GRID2: variants seen among roughly 807,000 people sequenced by gnomAD.
GRID2 encodes the protein glutamate receptor ionotropic, delta-2.
A neutral mutation model predicts 114.8 loss-of-function variants in GRID2; 33 were observed. The observed-to-expected ratio is 0.29, with a 90% CI of 0.22 to 0.38. The LOEUF (loss-of-function observed/expected upper bound fraction) is 0.38. Among genes scored for constraint, GRID2 ranks in the 10% least tolerant of loss-of-function variants. GRID2 has a pLI of 1.00. For synonymous variants in GRID2, 505 were observed against 449.9 expected (o/e 1.12, Z -1.55); for missense variants, 1,184 against 1,257.7 (o/e 0.94, Z 0.89).
intron 1 of GRID2, among the ~76,000 whole-genome samples, chr4:92,417,030 A>G (rs1410751197): frequency 2.0e-5 from 3 of 152,052 alleles, no homozygotes; most frequent in Non-Finnish European, 4.4e-5. Flanking sequence ...CTACCCATCC[A>G]TGAGCATGAG....
intron 3 of GRID2, among the ~76,000 whole-genome samples, chr4:93,108,519 CTTTTG>C (rs1190434039): frequency 6.6e-6 from 1 of 152,024 alleles, no homozygotes; most frequent in Non-Finnish European, 1.5e-5. Context: ...TTCAGTGTTA[CTTTTG>C]TTTTGTTTGC....
chr4:92,952,750 G>A (rs1752123620), intron 2 of GRID2, among the ~76,000 whole-genome samples: 1 of 152,130 alleles, frequency 6.6e-6, no homozygotes, highest in Admixed American at 6.6e-5. Context: ...GGCTTCTTTT[G>A]TCATTGTATT....
At chr4:93,379,465 C>T (rs946232016) in intron 8 of GRID2, among the ~76,000 whole-genome samples, 1 of 151,894 alleles carries the variant, frequency 6.6e-6, no homozygotes, top group Non-Finnish European at 1.5e-5. Context: ...CAAACGTAGA[C>T]TGGAGCAAAA....
intron 8 of GRID2, among the ~76,000 whole-genome samples, chr4:93,346,216 C>T (rs1400285630): frequency 6.6e-6 from 1 of 151,990 alleles, no homozygotes; most frequent in Non-Finnish European, 1.5e-5. Context: ...AAATGTGAAA[C>T]TTGTGACTTT....
intron 4 of GRID2, among the ~76,000 whole-genome samples, chr4:93,204,611 A>C (rs1742483300): frequency 6.6e-6 from 1 of 152,126 alleles, no homozygotes; most frequent in Non-Finnish European, 1.5e-5. Flanking sequence ...TTCTTCACTG[A>C]AATACAGGAT....
intron 4 of GRID2, among the ~76,000 whole-genome samples, chr4:93,158,053 T>C (rs529808701): frequency 6.6e-6 from 1 of 151,974 alleles, no homozygotes. Flanking sequence ...TGCAAACTAG[T>C]CATCCTCTAT....
At position 93,622,466 on chromosome 4, in the gene GRID2, G is replaced by T. The variant is rs572754635; in HGVS notation, c.2194-3803G>T. Among the ~76,000 whole-genome samples the T allele has an allele frequency of 2.9e-4, 44 of 152,258 alleles. 1 individual carries two copies. The highest frequency in any genetic ancestry group is 2.4e-3 in the Admixed American group (36 of 15,292). ...CTTAAACATCAAACATCATCATGCA[G>T]TAACTTTGGGATTAGATCTAGAATC... On this transcript the variant is annotated intron_variant, in intron 13 of 15. Coordinates refer to ENST00000282020, the MANE Select transcript of GRID2 (RefSeq NM_001510.4).
At chr4:92,509,281 G>A (rs1724124367) in intron 1 of GRID2, among the ~76,000 whole-genome samples, 1 of 151,900 alleles carries the variant, frequency 6.6e-6, no homozygotes, top group South Asian at 2.1e-4. Flanking sequence ...TGAACTCAGT[G>A]AAGGCAGGGC....
intron 9 of GRID2, among the ~76,000 whole-genome samples, chr4:93,413,627 A>AC (rs1413142661): frequency 6.6e-6 from 1 of 152,176 alleles, no homozygotes; most frequent in Non-Finnish European, 1.5e-5. Flanking sequence ...TTTAATTTGT[A>AC]TTCCCCAAAG....
At chr4:93,571,817 A>T (rs1414338040) in intron 13 of GRID2, among the ~76,000 whole-genome samples, 1 of 152,120 alleles carries the variant, frequency 6.6e-6, no homozygotes, top group African/African-American at 2.4e-5. Flanking sequence ...AGAAAAGGGA[A>T]GATAAGTTTG....
At chr4:93,627,600 T>C (rs955089436) in intron 14 of GRID2, among the ~76,000 whole-genome samples, 2 of 152,242 alleles carry the variant, frequency 1.3e-5, no homozygotes, top group African/African-American at 4.8e-5. Flanking sequence ...GGTTGTGTTA[T>C]GCTTCAAGCT....
At chr4:93,371,556 A>G (rs938785531) in intron 8 of GRID2, among the ~76,000 whole-genome samples, 2 of 152,028 alleles carry the variant, frequency 1.3e-5, no homozygotes, top group Non-Finnish European at 2.9e-5. Context: ...ATTTCTTTGA[A>G]CCAATTACTC....
At chr4:93,485,402 C>A (rs1726286367) in intron 11 of GRID2, among the ~76,000 whole-genome samples, 1 of 151,578 alleles carries the variant, frequency 6.6e-6, no homozygotes, top group African/African-American at 2.4e-5. Flanking sequence ...AATTATCAAT[C>A]TTTTCTTTTG....
intron 8 of GRID2, among the ~76,000 whole-genome samples, chr4:93,386,209 C>A (rs1309769611): frequency 6.6e-6 from 1 of 152,174 alleles, no homozygotes; most frequent in Admixed American, 6.6e-5. Flanking sequence ...TCTAGAGCTA[C>A]ACTGCCTGTG....
chr4:92,725,041 C>G lies in GRID2; in HGVS notation c.244+134755C>G, dbSNP rs557323329. 3.3e-3 allele frequency among the ~76,000 whole-genome samples: 506 copies of G among 152,142 alleles called. 1 individual carries two copies. Among genetic ancestry groups the G allele is most frequent in the African/African-American group, 0.012 (486 of 41,506 alleles). On this transcript the variant is annotated intron_variant, in intron 2 of 15. Transcript: ENST00000282020. ...GGGGGCTGGGCGCGGTGGTTCATGTCTGTAATCCCAGCATTTTAGGAGGCC... is the reference window on the plus strand; with the variant it reads ...GGGGGCTGGGCGCGGTGGTTCATGTGTGTAATCCCAGCATTTTAGGAGGCC...
At chr4:92,993,756 C>G (rs920572812) in intron 2 of GRID2, among the ~76,000 whole-genome samples, 7 of 152,140 alleles carry the variant, frequency 4.6e-5, no homozygotes, top group African/African-American at 1.7e-4. Flanking sequence ...TTGTTCAACA[C>G]TATTTGTTAA....
At chr4:93,709,706 A>G (rs532736536) in intron 14 of GRID2, among the ~76,000 whole-genome samples, 98 of 152,288 alleles carry the variant, frequency 6.4e-4, no homozygotes, top group African/African-American at 2.3e-3. Context: ...CTTTAAGGCC[A>G]ATAACTTAGA....
chr4:92,920,384 G>C (rs908992410), intron 2 of GRID2, among the ~76,000 whole-genome samples: 3 of 152,106 alleles, frequency 2.0e-5, no homozygotes, highest in Admixed American at 2.0e-4. Flanking sequence ...ATTTGATCCT[G>C]TCATTATGAT....
chr4:93,789,621 T>G (rs1734658221), intron 1 of GRID2, among the ~76,000 whole-genome samples: 1 of 152,200 alleles, frequency 6.6e-6, no homozygotes, highest in South Asian at 2.1e-4. Context: ...ACAGTAAAAC[T>G]TCCAAATGGC....
Sources: allele counts gnomAD v4.1 joint callset (sites outside exome capture counted in the v4.1 genomes callset), GRCh38; gene constraint gnomAD v4.1.1; transcripts MANE v1.5; gene names NCBI Gene and HGNC (gene_info 2026-07-23, HGNC 2026-07-21).